Variants in ZFP64 observed in about 807,000 individuals in gnomAD.
The protein encoded by ZFP64 is ZFP64 zinc finger protein, also known as zinc finger protein 64.
In ZFP64, 14 loss-of-function variants were observed where a neutral mutation model predicts 51.6. That is an observed-to-expected ratio of 0.27 (90% CI 0.18 to 0.42). The LOEUF (loss-of-function observed/expected upper bound fraction) is 0.42, where lower values mean the gene tolerates loss of function less well. Ranked by LOEUF, ZFP64 falls within the 10% of genes least tolerant of loss-of-function variation. The probability of loss-of-function intolerance (pLI) is 1.00; values close to 1 mark genes in which losing one functional copy is unlikely to be tolerated. For missense variants in ZFP64, 754 were observed against 906.8 expected (o/e 0.83, Z 2.16); for synonymous variants, 375 against 361.4 (o/e 1.04, Z -0.43).
In ZFP64 at chr20:52,153,574, G is replaced by C; in HGVS notation, c.764-146C>G. On this transcript the variant is annotated intron_variant, in intron 5 of 5. Coordinates refer to ENST00000216923, the MANE Select transcript of ZFP64 (RefSeq NM_018197.3). This position sits in a 1 kb window ranked among gnomAD's most constrained non-coding sequence, Gnocchi z 5.1. ...GCTTCTAGCAGCCCCTGGCAGTGGG[G>C]GAAGAGGGGCAGGGCGTCTTTATCT... 1 of 1,263,158 alleles carries C rather than the reference G, an allele frequency of 7.9e-7. No homozygotes were observed. The highest frequency in any genetic ancestry group is 1.1e-6 in the Non-Finnish European group (1 of 949,968). The allele number at this position is 1,263,158 out of a possible 1,614,324, so 78.2% of individuals were successfully genotyped here.
At chr20:52,084,491 C>T in exon 9 of ZFP64, 2 of 1,494,622 alleles carry the variant, frequency 1.3e-6, no homozygotes, top group African/African-American at 1.4e-5. Flanking sequence ...AGTGGCCTCA[C>T]CTCTGGAGGG....
chr20:52,119,050 C>A (rs761135575), intron 5 of ZFP64, among the ~76,000 whole-genome samples: 2 of 152,042 alleles, frequency 1.3e-5, no homozygotes, highest in African/African-American at 4.8e-5. Flanking sequence ...AGGTCGAGGG[C>A]AGGAGGATTG....
intron 5 of ZFP64, among the ~76,000 whole-genome samples, chr20:52,155,490 C>A (rs1026489627): frequency 5.9e-5 from 9 of 152,134 alleles, no homozygotes; most frequent in African/African-American, 2.2e-4. Flanking sequence ...CCAGTTATAT[C>A]CCTGTCAAAA....
In ZFP64 at chr20:52,187,045, C is replaced by G. The variant is rs769604362; in HGVS notation, c.73G>C (p.Glu25Gln). 6.2e-7 allele frequency: 1 copy of G among 1,610,292 alleles called. No homozygotes were observed. The part of the protein sequence containing the change: ...QIPGGTTVLV[E>Q]LTPDIHICGI... ...CAGATATGGATGTCGGGAGTCAGCT[C>G]CACCAGCACCGTTGTGCCACCTGGA... is the stretch of plus-strand genomic sequence containing the variant. The change falls in exon 2 of 6, where the codon GAG (glutamate) becomes CAG (glutamine). Residue 25 changes from glutamate to glutamine, a missense_variant. Transcript: ENST00000216923.
intron 5 of ZFP64, chr20:52,111,053 G>A: frequency 7.7e-7 from 1 of 1,292,950 alleles, no homozygotes; most frequent in South Asian, 1.2e-5. Context: ...CTGCCATGCG[G>A]AGCGGAGAGG....
chr20:52,113,592 C>CTTTT (rs61331317), intron 5 of ZFP64, among the ~76,000 whole-genome samples: 1,341 of 126,860 alleles, frequency 0.011, 24 homozygotes, highest in Non-Finnish European at 0.015. Flanking sequence ...CCATACCTGG[C>CTTTT]TTTTTTTTTT....
intron 2 of ZFP64, among the ~76,000 whole-genome samples, chr20:52,176,460 A>T (rs1983218611): frequency 6.6e-6 from 1 of 151,288 alleles, no homozygotes; most frequent in Non-Finnish European, 1.5e-5. Context: ...TGAGCTGTAC[A>T]GTCTGGAAAA....
At chr20:52,095,741 C>T (rs915129128) in intron 7 of ZFP64, among the ~76,000 whole-genome samples, 1 of 152,202 alleles carries the variant, frequency 6.6e-6, no homozygotes, top group Non-Finnish European at 1.5e-5. Context: ...AATCCAGCCC[C>T]TGTACATCTC....
At chr20:52,113,422 CTTTTTTT>C (rs936439409) in intron 5 of ZFP64, among the ~76,000 whole-genome samples, 13 of 96,530 alleles carry the variant, frequency 1.3e-4, no homozygotes, top group Non-Finnish European at 2.0e-4. Context: ...GCCAGGAATT[CTTTTTTT>C]TTTTTTTTTT....
rs1327892075 is a variant in ZFP64 at position 52,187,060 on chromosome 20, T to A, written c.58A>T (p.Thr20Ser). The A allele has an allele frequency of 6.2e-7, 1 of 1,607,850 alleles. No homozygotes were observed. Among genetic ancestry groups the A allele is most frequent in the Non-Finnish European group, 8.5e-7 (1 of 1,174,850 alleles). ...GGAGTCAGCTCCACCAGCACCGTTG[T>A]GCCACCTGGAACTCCATGGGACAAA... ...FAGSVQIPGG[T>S]TVLVELTPDI... The change falls in exon 2 of 6, where the codon ACA becomes TCA. Residue 20 changes from threonine (T) to serine (S), a missense_variant. This residue lies in a region of ZFP64 where 95 missense variants were observed against 97.7 expected (regional missense o/e 0.97). Transcript: ENST00000216923.
In ZFP64 at chr20:52,105,470, G is replaced by C. The variant is rs569402368; in HGVS notation, c.764-6883C>G. ...CTCCCGGGCAGCCCGCGCCACCTGG[G>C]AGCTCGTTAGAAATGCAGACTCTCG... On this transcript the variant is annotated intron_variant, in intron 5 of 8. Coordinates refer to the ZFP64 transcript ENST00000361387. The C allele has an allele frequency of 1.0e-5, 8 of 762,274 alleles. No homozygotes were observed. The African/African-American group carries it at 1.3e-4, about 12-fold the overall frequency. The allele number at this position is 762,274 out of a possible 1,614,324, so 47.2% of individuals were successfully genotyped here.
chr20:52,167,708 A>G (rs1255148495), intron 2 of ZFP64, among the ~76,000 whole-genome samples: 1 of 152,198 alleles, frequency 6.6e-6, no homozygotes, highest in Non-Finnish European at 1.5e-5. Flanking sequence ...TCAGGCTAAG[A>G]GGCCCTAATG....
At position 52,160,071 on chromosome 20, in the gene ZFP64, T is replaced by C; in HGVS notation, c.763+52A>G. Reference sequence around the variant, plus strand: ...CTGAATGCTTTAAGGTGCTTATGATTTATGCCATAGAAAGTGAGGAGCGTA... The same window carrying C: ...CTGAATGCTTTAAGGTGCTTATGATCTATGCCATAGAAAGTGAGGAGCGTA... On this transcript the variant is annotated intron_variant, in intron 5 of 5. Transcript: ENST00000216923. This position sits in a 1 kb window ranked among gnomAD's most constrained non-coding sequence, Gnocchi z 4.2. 6.2e-7 allele frequency: 1 copy of C among 1,612,532 alleles called. No homozygotes were observed. Among genetic ancestry groups the C allele is most frequent in the South Asian group, 1.1e-5 (1 of 90,916 alleles).
rs150513624 is a variant in ZFP64 at position 52,131,088 on chromosome 20, T to C, written c.763+29035A>G. On this transcript the variant is annotated intron_variant, in intron 5 of 8. Coordinates refer to the ZFP64 transcript ENST00000361387. ...CTCAAAAATAAGAATAATAATAAAA[T>C]AAAATACAGATTCTCATCTTCATTA... 2.8e-3 allele frequency among the ~76,000 whole-genome samples: 375 copies of C among 134,316 alleles called. 2 individuals are homozygous for C. The highest frequency in any genetic ancestry group is 0.01 in the African/African-American group (362 of 35,748). The allele number at this position is 134,316 out of a possible 152,430, so 88.1% of individuals were successfully genotyped here. A position where few individuals can be genotyped will look rare whatever the true frequency, so the allele number is the denominator to read the frequency against.
Position 52,151,874 on chromosome 20 carries a change from T to C in ZFP64, c.*272A>G. On this transcript the variant is annotated 3_prime_UTR_variant, in exon 6 of 6. Transcript: ENST00000216923. ...CAACATGATGAAACCCCGTCTCTACTAAATATACAAAAATTAGCCAGTCAT... is the reference window on the plus strand; with the variant it reads ...CAACATGATGAAACCCCGTCTCTACCAAATATACAAAAATTAGCCAGTCAT... 1.0e-6 allele frequency: 1 copy of C among 973,576 alleles called. No individual in the cohort carries two copies. 60.3% of individuals were successfully genotyped at this position (973,576 alleles called of 1,614,324 possible).
chr20:52,111,479 T>A (rs1363434061), intron 5 of ZFP64, among the ~76,000 whole-genome samples: 2 of 151,998 alleles, frequency 1.3e-5, no homozygotes, highest in Non-Finnish European at 2.9e-5. Flanking sequence ...CCTCCCAAAG[T>A]GCTAGGATTA....
intron 5 of ZFP64, chr20:52,111,088 A>G (rs1978542399): frequency 2.0e-6 from 2 of 1,006,434 alleles, no homozygotes; most frequent in Non-Finnish European, 3.1e-6. Context: ...GAGAAGGGGA[A>G]GCGGCAGGGA....
chr20:52,163,150 C>T (rs996721626), intron 4 of ZFP64, among the ~76,000 whole-genome samples: 3 of 152,158 alleles, frequency 2.0e-5, no homozygotes, highest in South Asian at 2.1e-4. Context: ...CACCCAACGT[C>T]GGGAGTTCGA....
At chr20:52,173,362 T>A (rs975995745) in intron 2 of ZFP64, among the ~76,000 whole-genome samples, 3 of 152,116 alleles carry the variant, frequency 2.0e-5, no homozygotes, top group African/African-American at 7.2e-5. Flanking sequence ...TGAGGCAGGA[T>A]GATCACTTGA....
Sources: gnomAD v4.1 joint callset for allele counts (sites outside exome capture counted in the v4.1 genomes callset) on GRCh38, gnomAD v4.1.1 for gene constraint, gnomAD v4.1.1 regional missense constraint, Gnocchi (gnomAD v3.1) non-coding constraint, MANE v1.5 for transcripts, NCBI Gene and HGNC (gene_info 2026-07-23, HGNC 2026-07-21) for gene names.